SEMA3A: variants seen among roughly 807,000 people sequenced by gnomAD.
The protein encoded by SEMA3A is semaphorin-3A.
Under a neutral mutation model 97.9 loss-of-function variants are expected in SEMA3A, and 29 were observed. The observed-to-expected ratio is 0.30, with a 90% CI of 0.22 to 0.40. The LOEUF is 0.40. SEMA3A is among the 10% of genes least tolerant of loss of function. SEMA3A has a pLI of 1.00. For missense variants in SEMA3A, 763 were observed against 951.3 expected (o/e 0.80, Z 2.60); for synonymous variants, 321 against 323.7 (o/e 0.99, Z 0.09).
At chr7:84,418,954 T>TAC (rs1009869584) in intron 1 of SEMA3A, among the ~76,000 whole-genome samples, 2 of 149,172 alleles carry the variant, frequency 1.3e-5, no homozygotes, top group African/African-American at 4.9e-5. Context: ...CACATATATA[T>TAC]ATACACACAC....
intron 1 of SEMA3A, among the ~76,000 whole-genome samples, chr7:84,170,534 A>G (rs1797353701): frequency 6.6e-6 from 1 of 152,048 alleles, no homozygotes; most frequent in African/African-American, 2.4e-5. Flanking sequence ...CATATGAGAT[A>G]AAGTTTATAT....
chr7:84,232,645 A>G (rs1799141704), intron 3 of SEMA3A, among the ~76,000 whole-genome samples: 1 of 151,976 alleles, frequency 6.6e-6, no homozygotes, highest in African/African-American at 2.4e-5. Flanking sequence ...AAAACACTGT[A>G]TTCAATATCA....
At chr7:84,289,190 A>G (rs964107882) in intron 3 of SEMA3A, among the ~76,000 whole-genome samples, 4 of 152,088 alleles carry the variant, frequency 2.6e-5, no homozygotes, top group African/African-American at 7.2e-5. Context: ...AGAGAGTAGA[A>G]TAGTAATTGC....
intron 1 of SEMA3A, among the ~76,000 whole-genome samples, chr7:84,398,137 C>G (rs1803787765): frequency 6.6e-6 from 1 of 152,130 alleles, no homozygotes; most frequent in African/African-American, 2.4e-5. Context: ...GCAATTTCCT[C>G]AACTTTCAAA....
chr7:84,205,361 T>A (rs1277137448), intron 3 of SEMA3A, among the ~76,000 whole-genome samples: 5 of 152,228 alleles, frequency 3.3e-5, no homozygotes, highest in African/African-American at 1.2e-4. Flanking sequence ...ATTTTTACTA[T>A]AATAGTTTCA....
intron 6 of SEMA3A, among the ~76,000 whole-genome samples, chr7:84,024,970 C>T (rs980264855): frequency 3.3e-5 from 5 of 151,990 alleles, no homozygotes; most frequent in Admixed American, 3.3e-4. Context: ...GCCTGTGGAC[C>T]CAGTTACTTG....
chr7:84,099,439 C>A (rs1296584030), intron 4 of SEMA3A, among the ~76,000 whole-genome samples: 1 of 152,034 alleles, frequency 6.6e-6, no homozygotes, highest in Non-Finnish European at 1.5e-5. Context: ...ATAGCATTTT[C>A]TTTATTTACG....
chr7:84,395,182 A>G (rs987872479), intron 1 of SEMA3A, among the ~76,000 whole-genome samples: 2 of 152,114 alleles, frequency 1.3e-5, no homozygotes, highest in African/African-American at 4.8e-5. Context: ...TTGAGAATTT[A>G]TTACCGTAAC....
At chr7:84,490,398 G>C (rs1178336379) in intron 1 of SEMA3A, among the ~76,000 whole-genome samples, 1 of 152,062 alleles carries the variant, frequency 6.6e-6, no homozygotes, top group Admixed American at 6.6e-5. Context: ...CACATAGCTA[G>C]CATTTAAGCA....
intron 15 of SEMA3A, among the ~76,000 whole-genome samples, chr7:83,964,171 C>T (rs1047689091): frequency 2.0e-5 from 3 of 152,140 alleles, no homozygotes; most frequent in African/African-American, 7.2e-5. Context: ...AAACACAGCT[C>T]AGATCAAAAG....
chr7:84,282,253 C>T (rs1278222554), intron 3 of SEMA3A, among the ~76,000 whole-genome samples: 1 of 152,128 alleles, frequency 6.6e-6, no homozygotes, highest in Non-Finnish European at 1.5e-5. Context: ...AACATTATTC[C>T]TAGCTTCCTA....
At chr7:84,152,163 A>G (rs1302430401) in intron 1 of SEMA3A, among the ~76,000 whole-genome samples, 2 of 151,656 alleles carry the variant, frequency 1.3e-5, no homozygotes, top group African/African-American at 4.8e-5. Flanking sequence ...AACTAGAAAT[A>G]CCATTTGACC....
At chr7:84,429,968 G>GT (rs1279052304) in intron 1 of SEMA3A, among the ~76,000 whole-genome samples, 2 of 151,752 alleles carry the variant, frequency 1.3e-5, no homozygotes, top group Non-Finnish European at 2.9e-5. Context: ...TGTTGCAAAA[G>GT]TGACTTTCAA....
chr7:84,395,868 A>G (rs1803718165), intron 1 of SEMA3A, among the ~76,000 whole-genome samples: 1 of 152,142 alleles, frequency 6.6e-6, no homozygotes, highest in East Asian at 1.9e-4. Context: ...TCATAGCAGC[A>G]TGAGAACAGA....
At chr7:84,489,250 G>A (rs139590164) in intron 1 of SEMA3A, 81 of 152,128 alleles carry the variant, frequency 5.3e-4, no homozygotes, top group African/African-American at 1.9e-3. Flanking sequence ...TATCAGGAGA[G>A]CAGCATGGGG....
intron 1 of SEMA3A, among the ~76,000 whole-genome samples, chr7:84,478,694 C>G (rs964359361): frequency 6.6e-6 from 1 of 151,416 alleles, no homozygotes; most frequent in African/African-American, 2.4e-5. Flanking sequence ...AAAAACAAAT[C>G]TAAAGTGTTA....
At chr7:84,128,535 A>G (rs1013370795) in intron 3 of SEMA3A, among the ~76,000 whole-genome samples, 1 of 152,064 alleles carries the variant, frequency 6.6e-6, no homozygotes, top group Non-Finnish European at 1.5e-5. Context: ...AACCAAAGAG[A>G]CCATATTTTT....
At chr7:84,431,601 T>C (rs1050186177) in intron 1 of SEMA3A, among the ~76,000 whole-genome samples, 1 of 150,758 alleles carries the variant, frequency 6.6e-6, no homozygotes, top group African/African-American at 2.4e-5. Flanking sequence ...CTAAAGAAGC[T>C]ACAGAAAATT....
Position 83,963,357 on chromosome 7 carries a change from G to T in SEMA3A, c.1718-10C>A. 6.2e-7 allele frequency: 1 copy of T among 1,603,794 alleles called. No individual in the cohort carries two copies. The highest frequency in any genetic ancestry group is 1.3e-5 in the African/African-American group (1 of 74,834). On this transcript the variant is annotated splice_polypyrimidine_tract_variant and intron_variant, in intron 15 of 16. Coordinates refer to ENST00000265362, the MANE Select transcript of SEMA3A (RefSeq NM_006080.3). ...TGGCCATGGTGATTATCTGGCCAGT[G>T]ATGAGAAAATGCAATGAGAAAATAT... is the stretch of plus-strand genomic sequence containing the variant.
Sources: gnomAD v4.1 joint callset for allele counts (sites outside exome capture counted in the v4.1 genomes callset) on GRCh38, gnomAD v4.1.1 for gene constraint, MANE v1.5 for transcripts, NCBI Gene and HGNC (gene_info 2026-07-23, HGNC 2026-07-21) for gene names.